The following TANGO6 variants were observed in gnomAD, a reference collection of about 807,000 sequenced individuals.
TANGO6 encodes the protein transport and Golgi organization protein 6 homolog.
In TANGO6, 90 loss-of-function variants were observed where a neutral mutation model predicts 114.2. The observed-to-expected ratio is 0.79, with a 90% CI of 0.66 to 0.94. The LOEUF (loss-of-function observed/expected upper bound fraction) is 0.94. TANGO6 is among the 40% of genes least tolerant of loss of function. The probability of loss-of-function intolerance (pLI) is 0.00; values close to 1 mark genes in which losing one functional copy is unlikely to be tolerated. For synonymous variants in TANGO6, 477 were observed against 509.8 expected (o/e 0.94, Z 0.87); for missense variants, 1,274 against 1,315.3 (o/e 0.97, Z 0.49).
intron 14 of TANGO6, among the ~76,000 whole-genome samples, chr16:68,970,924 G>A (rs1453070692): frequency 2.6e-5 from 4 of 152,064 alleles, no homozygotes; most frequent in East Asian, 1.9e-4. Context: ...TTGGGAGGCC[G>A]AGGAGGGCGG....
intron 12 of TANGO6, among the ~76,000 whole-genome samples, chr16:68,924,712 C>T (rs1043198035): frequency 6.6e-6 from 1 of 151,704 alleles, no homozygotes; most frequent in East Asian, 1.9e-4. Flanking sequence ...ATCGCTTGAA[C>T]GTGGGAGGCG....
At chr16:68,929,349 A>G (rs1963211452) in intron 13 of TANGO6, among the ~76,000 whole-genome samples, 1 of 152,166 alleles carries the variant, frequency 6.6e-6, no homozygotes, top group Non-Finnish European at 1.5e-5. Flanking sequence ...TTTTCAAAGA[A>G]GTCTTTCAAA....
At chr16:68,955,903 A>G (rs1223655721) in intron 14 of TANGO6, among the ~76,000 whole-genome samples, 1 of 152,154 alleles carries the variant, frequency 6.6e-6, no homozygotes, top group Non-Finnish European at 1.5e-5. Flanking sequence ...TAATCCCAAC[A>G]CTTTGGGAGG....
At chr16:69,032,330 A>G (rs1190534929) in intron 16 of TANGO6, among the ~76,000 whole-genome samples, 2 of 151,956 alleles carry the variant, frequency 1.3e-5, no homozygotes, top group Admixed American at 6.6e-5. Flanking sequence ...CAGTGGCACA[A>G]TCTCAACTCA....
chr16:68,860,428 C>G lies in TANGO6; in HGVS notation c.639C>G (p.Ser213Arg), dbSNP rs757262850. The change falls in exon 2 of 18, where the codon AGC becomes AGG. Residue 213 changes from serine (S) to arginine (R), a missense_variant. Coordinates refer to ENST00000261778, the MANE Select transcript of TANGO6 (RefSeq NM_024562.2). ...LNVAQHTSLG[S>R]LIFCHHFGDI... ...TTGCTCAGCACACATCTCTGGGGAG[C>G]TTGATCTTCTGCCACCACTTTGGGG... 4.0e-5 allele frequency: 64 copies of G among 1,613,890 alleles called. No individual in the cohort carries two copies. The highest frequency in any genetic ancestry group is 5.3e-5 in the Non-Finnish European group (62 of 1,179,914).
chr16:68,859,655 G>T (rs951814615), intron 1 of TANGO6, among the ~76,000 whole-genome samples: 1 of 152,220 alleles, frequency 6.6e-6, no homozygotes, highest in African/African-American at 2.4e-5. Context: ...TAGATGAACT[G>T]TAACGTTAGT....
intron 15 of TANGO6, among the ~76,000 whole-genome samples, chr16:69,005,225 G>T (rs144104702): frequency 2.0e-5 from 3 of 152,268 alleles, no homozygotes; most frequent in East Asian, 3.9e-4. Context: ...CTATCCAAAG[G>T]AAAAACTACA....
chr16:68,891,813 A>G (rs1962624984), intron 7 of TANGO6, among the ~76,000 whole-genome samples: 1 of 137,302 alleles, frequency 7.3e-6, no homozygotes, highest in Non-Finnish European at 1.6e-5. Flanking sequence ...AAGGAAGGGA[A>G]GGACGGAGGG....
chr16:69,068,587 C>T (rs977714695), intron 17 of TANGO6, among the ~76,000 whole-genome samples: 1 of 152,210 alleles, frequency 6.6e-6, no homozygotes, highest in African/African-American at 2.4e-5. Flanking sequence ...GGCTCTCTTC[C>T]AGGCCTCAGT....
intron 17 of TANGO6, among the ~76,000 whole-genome samples, chr16:69,066,405 T>A (rs1320602041): frequency 6.6e-6 from 1 of 152,112 alleles, no homozygotes; most frequent in East Asian, 1.9e-4. Context: ...AGCAGTTCTC[T>A]GGCCTCAGCT....
intron 17 of TANGO6, among the ~76,000 whole-genome samples, chr16:69,061,680 C>G (rs976734092): frequency 6.6e-6 from 1 of 152,122 alleles, no homozygotes; most frequent in Non-Finnish European, 1.5e-5. Context: ...TTGCTCCCAG[C>G]CAAGGAGGAA....
chr16:68,932,050 G>A lies in TANGO6; in HGVS notation c.2701+1755G>A, dbSNP rs1963248350. ...AATGGGTGAGTTGTATGGTATGTGAGTTATAGCTCAATAAAACTATTATCA... is the reference window on the plus strand; with the variant it reads ...AATGGGTGAGTTGTATGGTATGTGAATTATAGCTCAATAAAACTATTATCA... On this transcript the variant is annotated intron_variant, in intron 14 of 17. Transcript: ENST00000261778. Among the ~76,000 whole-genome samples the A allele has an allele frequency of 3.3e-5, 5 of 151,622 alleles. No homozygotes were observed. In the South Asian group the frequency reaches 1.0e-3, roughly 32 times the overall value.
chr16:69,004,109 A>T (rs1189675415), intron 15 of TANGO6, among the ~76,000 whole-genome samples: 2 of 152,156 alleles, frequency 1.3e-5, no homozygotes, highest in East Asian at 3.8e-4. Flanking sequence ...AATGAGTTTA[A>T]ATTAAATGAA....
chr16:69,003,598 C>T (rs1336768453), intron 15 of TANGO6, among the ~76,000 whole-genome samples: 1 of 152,084 alleles, frequency 6.6e-6, no homozygotes, highest in Non-Finnish European at 1.5e-5. Context: ...CTTTAAAAAA[C>T]GTGTTTTAAC....
At chr16:68,956,831 C>T (rs1963534201) in intron 14 of TANGO6, among the ~76,000 whole-genome samples, 1 of 151,504 alleles carries the variant, frequency 6.6e-6, no homozygotes, top group East Asian at 1.9e-4. Context: ...CCAGCCTGGG[C>T]GACGGAGTAA....
intron 14 of TANGO6, among the ~76,000 whole-genome samples, chr16:68,960,044 G>A (rs1963573891): frequency 6.6e-6 from 1 of 152,140 alleles, no homozygotes; most frequent in African/African-American, 2.4e-5. Flanking sequence ...TTGGATATCC[G>A]AAGCCCCTCT....
chr16:69,021,617 C>T (rs963993204), intron 15 of TANGO6, among the ~76,000 whole-genome samples: 2 of 152,098 alleles, frequency 1.3e-5, no homozygotes, highest in Non-Finnish European at 2.9e-5. Flanking sequence ...CTAGGCCTCT[C>T]GTTAAATATT....
At chr16:68,936,002 G>A (rs369550490) in intron 14 of TANGO6, among the ~76,000 whole-genome samples, 6 of 151,994 alleles carry the variant, frequency 3.9e-5, no homozygotes, top group African/African-American at 1.5e-4. Flanking sequence ...GCAACATAGT[G>A]AGACCTTGTC....
chr16:68,980,407 C>CTATATATATA (rs1317394786), intron 15 of TANGO6, among the ~76,000 whole-genome samples: 2 of 67,624 alleles, frequency 3.0e-5, no homozygotes, highest in African/African-American at 1.3e-4. Context: ...CTCTCTCTCT[C>CTATATATATA]TCTATATATA....
Sources: allele counts gnomAD v4.1 joint callset (sites outside exome capture counted in the v4.1 genomes callset), GRCh38; gene constraint gnomAD v4.1.1; transcripts MANE v1.5; gene names NCBI Gene and HGNC (gene_info 2026-07-23, HGNC 2026-07-21).